Variants in CSNK1G3 observed in about 807,000 individuals in gnomAD.
The protein encoded by CSNK1G3 is casein kinase 1 gamma 3.
CSNK1G3 carries 23 observed loss-of-function variants against 64.3 expected under a neutral mutation model. The observed-to-expected ratio is 0.36, with a 90% CI of 0.26 to 0.51. CSNK1G3 has a LOEUF of 0.51. Ranked by LOEUF, CSNK1G3 falls within the 20% of genes least tolerant of loss-of-function variation. The probability of loss-of-function intolerance (pLI) is 0.96; values close to 1 mark genes in which losing one functional copy is unlikely to be tolerated. For synonymous variants in CSNK1G3, 158 were observed against 162.2 expected, an observed-to-expected ratio of 0.97 and a Z score of 0.20; for missense variants, 357 against 510.5, an observed-to-expected ratio of 0.70 and a Z score of 2.90.
At chr5:123,607,669 G>A (rs1795589397) in intron 12 of CSNK1G3, among the ~76,000 whole-genome samples, 1 of 152,056 alleles carries the variant, frequency 6.6e-6, no homozygotes, top group Admixed American at 6.6e-5. Flanking sequence ...GCTCAATTCT[G>A]AATACTAAAA....
intron 12 of CSNK1G3, among the ~76,000 whole-genome samples, chr5:123,609,716 G>A (rs1300268754): frequency 6.6e-6 from 1 of 152,160 alleles, no homozygotes; most frequent in Non-Finnish European, 1.5e-5. Flanking sequence ...GGAATGACAA[G>A]GAGATTTTTG....
At chr5:123,616,081 A>AT (rs1271491096) in exon 13 of CSNK1G3, 1 of 152,232 alleles carries the variant, frequency 6.6e-6, no homozygotes, top group African/African-American at 2.4e-5. Flanking sequence ...CCTATGAATG[A>AT]TCTTTTTTTT....
intron 10 of CSNK1G3, 68 bp from the exon 11 acceptor site, chr5:123,594,971 G>A: frequency 2.3e-6 from 3 of 1,322,202 alleles, no homozygotes; most frequent in Non-Finnish European, 2.2e-6. Flanking sequence ...TATATTATGA[G>A]GATAAAATGT....
intron 1 of CSNK1G3, among the ~76,000 whole-genome samples, chr5:123,539,699 A>G (rs1208732263): frequency 6.6e-6 from 1 of 152,176 alleles, no homozygotes; most frequent in African/African-American, 2.4e-5. Flanking sequence ...CTCACAAAGT[A>G]AATTGATTAT....
chr5:123,601,885 C>T (rs768343544), intron 10 of CSNK1G3, among the ~76,000 whole-genome samples: 1 of 152,168 alleles, frequency 6.6e-6, no homozygotes, highest in Admixed American at 6.6e-5. Flanking sequence ...TGGATACAGG[C>T]ACTCTGTTCA....
intron 1 of CSNK1G3, among the ~76,000 whole-genome samples, chr5:123,530,843 C>G (rs1030113321): frequency 6.6e-6 from 1 of 152,108 alleles, no homozygotes; most frequent in Non-Finnish European, 1.5e-5. Flanking sequence ...TTTGACATTA[C>G]AGTTAATGAT....
chr5:123,612,755 C>A (rs534232731), intron 12 of CSNK1G3, among the ~76,000 whole-genome samples: 1 of 152,246 alleles, frequency 6.6e-6, no homozygotes, highest in South Asian at 2.1e-4. Context: ...GGATTACACG[C>A]ATGAGCCACC....
chr5:123,587,936 C>T, intron 6 of CSNK1G3, 132 bp from the exon 7 acceptor site: 1 of 572,908 alleles, frequency 1.7e-6, no homozygotes, highest in Admixed American at 3.5e-5. Context: ...CTTATAGTTA[C>T]TAGATCTGTA....
chr5:123,522,664 T>C (rs1308348963), intron 1 of CSNK1G3, among the ~76,000 whole-genome samples: 1 of 152,176 alleles, frequency 6.6e-6, no homozygotes, highest in Non-Finnish European at 1.5e-5. Flanking sequence ...AAATAGTTGT[T>C]ATGAAGTATT....
intron 4 of CSNK1G3, among the ~76,000 whole-genome samples, chr5:123,564,486 A>G (rs1463654649): frequency 6.6e-6 from 1 of 152,122 alleles, no homozygotes; most frequent in East Asian, 1.9e-4. Flanking sequence ...TAAGTGTTAT[A>G]TAATGCATTG....
rs148907528 is a variant in CSNK1G3 at position 123,579,619 on chromosome 5, T to C, written c.673+3656T>C. Among the ~76,000 whole-genome samples the C allele has an allele frequency of 3.4e-3, 511 of 152,074 alleles. 10 individuals are homozygous for C. The highest frequency in any genetic ancestry group is 0.012 in the African/African-American group (493 of 41,548). ...AACTTCCTTAGGGCCTAATGTTCCT[T>C]ATCTGAACAATGGTAAATGTAACAG... is the stretch of plus-strand genomic sequence containing the variant. On this transcript the variant is annotated intron_variant, in intron 6 of 12. Coordinates refer to ENST00000345990, the Ensembl canonical transcript of CSNK1G3.
At chr5:123,519,420 A>C (rs984445663) in intron 1 of CSNK1G3, among the ~76,000 whole-genome samples, 2 of 152,248 alleles carry the variant, frequency 1.3e-5, no homozygotes, top group African/African-American at 4.8e-5. Context: ...GAATCAATAA[A>C]ATAGGTGGTG....
intron 2 of CSNK1G3, among the ~76,000 whole-genome samples, chr5:123,548,428 C>G (rs1782962923): frequency 8.3e-6 from 1 of 120,648 alleles, no homozygotes; most frequent in African/African-American, 3.3e-5. Context: ...CACTGCATTT[C>G]TAGCCTGGGT....
At chr5:123,593,346 A>C (rs1312836411) in intron 10 of CSNK1G3, among the ~76,000 whole-genome samples, 4 of 152,052 alleles carry the variant, frequency 2.6e-5, no homozygotes, top group Non-Finnish European at 5.9e-5. Context: ...CTTCTTAAAT[A>C]TCTCTAGACC....
At chr5:123,601,553 A>G (rs1794502062) in intron 10 of CSNK1G3, among the ~76,000 whole-genome samples, 2 of 152,206 alleles carry the variant, frequency 1.3e-5, no homozygotes, top group Non-Finnish European at 2.9e-5. Flanking sequence ...ACATTTCAAT[A>G]AAATAAAGTT....
At chr5:123,575,059 G>A (rs1561551994) in intron 5 of CSNK1G3, among the ~76,000 whole-genome samples, 1 of 151,936 alleles carries the variant, frequency 6.6e-6, no homozygotes, top group African/African-American at 2.4e-5. Flanking sequence ...TTTCTTATTT[G>A]TAATACTCTA....
At chr5:123,607,275 C>A (rs146508035) in intron 12 of CSNK1G3, among the ~76,000 whole-genome samples, 6 of 152,276 alleles carry the variant, frequency 3.9e-5, no homozygotes, top group Non-Finnish European at 8.8e-5. Flanking sequence ...TTCCTTAAAT[C>A]TGCATTTGCT....
chr5:123,584,546 T>G (rs1255359086), intron 6 of CSNK1G3, among the ~76,000 whole-genome samples: 1 of 152,170 alleles, frequency 6.6e-6, no homozygotes, highest in East Asian at 1.9e-4. Flanking sequence ...ATTTCATGTT[T>G]GTGTTTATGA....
chr5:123,605,426 C>CA lies in CSNK1G3; in HGVS notation c.1217+65dup, dbSNP rs1795196406. 2.1e-5 allele frequency: 32 copies of CA among 1,552,848 alleles called. 1 individual carries two copies. The South Asian group carries it at 3.8e-4, about 19-fold the overall frequency. On this transcript the variant is annotated intron_variant, in intron 12 of 12. Transcript: ENST00000345990. ...GACTGTAATTTCAAAGATTTAGCAT[C>CA]ATTTTGTGTCTTTTGAAAACAAAAC...
Sources: gnomAD v4.1 joint callset for allele counts (sites outside exome capture counted in the v4.1 genomes callset) on GRCh38, gnomAD v4.1.1 for gene constraint, MANE v1.5 for transcripts, NCBI Gene and HGNC (gene_info 2026-07-23, HGNC 2026-07-21) for gene names.